The following SCIN variants were observed in gnomAD, a reference collection of about 807,000 sequenced individuals.
The protein encoded by SCIN is adseverin.
In SCIN, 91 loss-of-function variants were observed where a neutral mutation model predicts 91.8. The ratio of observed to expected loss-of-function variants is 0.99; its 90% CI spans 0.84 to 1.18. The LOEUF (loss-of-function observed/expected upper bound fraction) is 1.18. SCIN is among the 50% of genes most tolerant of loss of function. SCIN has a pLI of 0.00. For missense variants in SCIN, 1,087 were observed against 863.9 expected (o/e 1.26, Z -3.24); for synonymous variants, 367 against 312.6 (o/e 1.17, Z -1.84).
chr7:12,652,563 T>C, intron 15 of SCIN, 25 bp from the exon 16 acceptor site: 1 of 1,608,306 alleles, frequency 6.2e-7, no homozygotes. Context: ...TAACTGAATT[T>C]ATATGTCTTT....
Position 12,652,459 on chromosome 7 carries a change from A to G in SCIN, c.2021-129A>G, listed in dbSNP as rs143217411. 1,649 of 802,612 alleles carry G rather than the reference A, an allele frequency of 2.1e-3. 31 individuals are homozygous for G. The African/African-American group carries it at 0.026, about 12-fold the overall frequency. The allele number at this position is 802,612 out of a possible 1,614,324, so 49.7% of individuals were successfully genotyped here. ...TGTATTCGAAGAATTTTCATTTTCA[A>G]TGTAGCCAATATTTATTTGTTCTTC... On this transcript the variant is annotated intron_variant, in intron 15 of 15. Coordinates refer to ENST00000297029, the MANE Select transcript of SCIN (RefSeq NM_001112706.3).
At chr7:12,614,149 A>T (rs565299824) in intron 4 of SCIN, among the ~76,000 whole-genome samples, 28 of 152,278 alleles carry the variant, frequency 1.8e-4, no homozygotes, top group Middle Eastern at 6.8e-3. Flanking sequence ...CTGTTATGGA[A>T]CACTATTGTT....
In SCIN at chr7:12,651,902, G is replaced by A; in HGVS notation, c.2020+1G>A. 1 of 1,600,932 alleles carries A rather than the reference G, an allele frequency of 6.2e-7. No homozygotes were observed. Among genetic ancestry groups the A allele is most frequent in the Non-Finnish European group, 8.5e-7 (1 of 1,171,056 alleles). On this transcript the variant is annotated splice_donor_variant, in intron 15 of 15. Coordinates refer to ENST00000297029, the MANE Select transcript of SCIN (RefSeq NM_001112706.3). LOFTEE classifies it high-confidence loss of function. This position sits in a 1 kb window ranked among gnomAD's most constrained non-coding sequence, Gnocchi z 5.9. ...GAGAAAAAAGAATCTCTGAAGTCTG[G>A]TAAGCTCAATCGATGGACCATTATA...
chr7:12,658,815 G>A lies in SCIN; in HGVS notation c.*6100G>A, dbSNP rs1163322696. ...TTATCAGTAAAGTTGGGCAACTCAT[G>A]GAATATTACGAGTAGAAATTGTAAT... is the stretch of plus-strand genomic sequence containing the variant. On this transcript the variant is annotated 3_prime_UTR_variant, in exon 16 of 16. Transcript: ENST00000297029. 6.6e-6 allele frequency: 1 copy of A among 152,200 alleles called. No homozygotes were observed. The highest frequency in any genetic ancestry group is 1.5e-5 in the Non-Finnish European group (1 of 68,044). 9.4% of individuals were successfully genotyped at this position (152,200 alleles called of 1,614,324 possible).
intron 11 of SCIN, 60 bp downstream of exon 11, chr7:12,640,577 C>T: frequency 2.9e-6 from 4 of 1,402,782 alleles, no homozygotes; most frequent in South Asian, 1.7e-5. Context: ...GGACCTGAGC[C>T]ATCAGCAAAT....
chr7:12,616,403 T>A (rs969409270), intron 4 of SCIN, among the ~76,000 whole-genome samples: 2 of 152,276 alleles, frequency 1.3e-5, no homozygotes, highest in South Asian at 4.1e-4. Context: ...GCTCTCCATG[T>A]TCTCTTGCCT....
chr7:12,603,153 T>G (rs1782992820), intron 3 of SCIN, among the ~76,000 whole-genome samples: 1 of 151,066 alleles, frequency 6.6e-6, no homozygotes, highest in South Asian at 2.1e-4. Flanking sequence ...CACATTTAAT[T>G]TTTTTTTTTG....
At chr7:12,619,407 T>C (rs2115267064) in intron 4 of SCIN, among the ~76,000 whole-genome samples, 1 of 152,260 alleles carries the variant, frequency 6.6e-6, no homozygotes, top group East Asian at 1.9e-4. Context: ...CAGAGGTACA[T>C]GCTGTGAAAA....
intron 3 of SCIN, among the ~76,000 whole-genome samples, chr7:12,592,410 T>C (rs1782743551): frequency 6.6e-6 from 1 of 152,142 alleles, no homozygotes; most frequent in South Asian, 2.1e-4. Flanking sequence ...TTGTTTACGA[T>C]GGGCTGTAGG....
intron 3 of SCIN, among the ~76,000 whole-genome samples, chr7:12,594,152 G>A (rs2115235599): frequency 6.6e-6 from 1 of 152,226 alleles, no homozygotes; most frequent in East Asian, 1.9e-4. Context: ...AGGCAGAGAG[G>A]ACTCAGAGTC....
At chr7:12,572,836 G>A (rs1336618434) in intron 1 of SCIN, among the ~76,000 whole-genome samples, 3 of 152,214 alleles carry the variant, frequency 2.0e-5, no homozygotes, top group African/African-American at 7.2e-5. Context: ...TATTCAATAT[G>A]GCCAGTACTG....
chr7:12,631,486 A>G (rs1475770338), intron 9 of SCIN, among the ~76,000 whole-genome samples: 2 of 152,152 alleles, frequency 1.3e-5, no homozygotes, highest in Non-Finnish European at 2.9e-5. Flanking sequence ...GTGTGGAAGT[A>G]TTGGGAGATG....
At chr7:12,571,745 T>C (rs1002975880) in intron 1 of SCIN, 4 of 244,488 alleles carry the variant, frequency 1.6e-5, no homozygotes, top group African/African-American at 9.2e-5. Context: ...GGACACAAGA[T>C]GGAACAGAAA....
rs537415141 is a variant in SCIN, at chr7:12,630,415, G to C, written c.1319+1193G>C. On this transcript the variant is annotated intron_variant, in intron 9 of 15. Coordinates refer to ENST00000297029, the MANE Select transcript of SCIN (RefSeq NM_001112706.3). ...CAGGCAGTGGTTTAGAACACTGACT[G>C]CATATTGGAATAACCTGGACAATTT... Among the ~76,000 whole-genome samples, 3 of 152,330 alleles carry C rather than the reference G, an allele frequency of 2.0e-5. No individual in the cohort carries two copies. The East Asian group carries it at 5.8e-4, about 29-fold the overall frequency.
chr7:12,615,285 A>T (rs1419098137), intron 4 of SCIN, among the ~76,000 whole-genome samples: 3 of 152,152 alleles, frequency 2.0e-5, no homozygotes, highest in Non-Finnish European at 4.4e-5. Context: ...CTGTAATTGT[A>T]ATCCCCACAC....
At chr7:12,636,268 T>C (rs1233845938) in intron 10 of SCIN, 133 bp downstream of exon 10, 2 of 629,068 alleles carry the variant, frequency 3.2e-6, no homozygotes, top group African/African-American at 3.7e-5. Context: ...CATTTTGAAA[T>C]TCAAATATTC....
At chr7:12,607,575 A>C (rs1309867990) in intron 4 of SCIN, among the ~76,000 whole-genome samples, 4 of 152,248 alleles carry the variant, frequency 2.6e-5, no homozygotes, top group Non-Finnish European at 5.9e-5. Flanking sequence ...CTGTGTTTCC[A>C]AGACTCCTCA....
intron 4 of SCIN, among the ~76,000 whole-genome samples, chr7:12,621,462 G>A (rs2115269278): frequency 6.6e-6 from 1 of 151,984 alleles, no homozygotes; most frequent in East Asian, 1.9e-4. Context: ...CCGCCCACTG[G>A]GAGGTTTCCT....
intron 4 of SCIN, among the ~76,000 whole-genome samples, chr7:12,608,970 G>A (rs1783137115): frequency 6.6e-6 from 1 of 152,132 alleles, no homozygotes. Flanking sequence ...ACACATTAAA[G>A]TGCTCAACAC....
Sources: allele counts gnomAD v4.1 joint callset (sites outside exome capture counted in the v4.1 genomes callset), GRCh38; gene constraint gnomAD v4.1.1; non-coding constraint Gnocchi (gnomAD v3.1); transcripts MANE v1.5; gene names NCBI Gene and HGNC (gene_info 2026-07-23, HGNC 2026-07-21).